The following RNF111 variants were observed in gnomAD, a reference collection of about 807,000 sequenced individuals.
The protein encoded by RNF111 is ring finger protein 111.
A neutral mutation model predicts 95.1 loss-of-function variants in RNF111; 17 were observed. The ratio of observed to expected loss-of-function variants is 0.18; its 90% CI spans 0.12 to 0.27. The LOEUF (loss-of-function observed/expected upper bound fraction) is 0.27. Among genes scored for constraint, RNF111 ranks in the 10% least tolerant of loss-of-function variants. RNF111 has a pLI of 1.00. For synonymous variants in RNF111, 440 were observed against 414.8 expected, an observed-to-expected ratio of 1.06 and a Z score of -0.74; for missense variants, 1,189 against 1,210.4, an observed-to-expected ratio of 0.98 and a Z score of 0.26.
chr15:59,023,141 G>A (rs769288211), intron 1 of RNF111, among the ~76,000 whole-genome samples: 3 of 152,122 alleles, frequency 2.0e-5, no homozygotes, highest in Non-Finnish European at 2.9e-5. Flanking sequence ...CCAGCTACTC[G>A]GGAGGCTGAG....
intron 1 of RNF111, among the ~76,000 whole-genome samples, chr15:59,000,819 G>C (rs1413211471): frequency 6.6e-6 from 1 of 151,836 alleles, no homozygotes; most frequent in East Asian, 1.9e-4. Context: ...CAGAATTTTT[G>C]ATTATTTTAA....
chr15:59,004,994 G>A (rs1334599578), intron 1 of RNF111, among the ~76,000 whole-genome samples: 1 of 152,182 alleles, frequency 6.6e-6, no homozygotes, highest in African/African-American at 2.4e-5. Flanking sequence ...CATATAATCA[G>A]TGAGCAGAAG....
chr15:59,077,849 A>G (rs76330301), intron 7 of RNF111, among the ~76,000 whole-genome samples: 338 of 152,298 alleles, frequency 2.2e-3, no homozygotes, highest in African/African-American at 7.6e-3. Context: ...TTTAAATTGT[A>G]TTATTTTCTG....
intron 5 of RNF111, among the ~76,000 whole-genome samples, chr15:59,065,647 C>T (rs2042623539): frequency 6.6e-6 from 1 of 152,146 alleles, no homozygotes; most frequent in South Asian, 2.1e-4. Flanking sequence ...ATTTTATTTT[C>T]CAAGTATTAG....
At chr15:59,071,077 CATGA>C (rs1420843447) in intron 6 of RNF111, among the ~76,000 whole-genome samples, 4 of 151,656 alleles carry the variant, frequency 2.6e-5, no homozygotes, top group African/African-American at 9.7e-5. Context: ...GCAGGCGGAT[CATGA>C]AGTCAGGAGA....
intron 8 of RNF111, among the ~76,000 whole-genome samples, chr15:59,082,213 G>C (rs2078765594): frequency 6.6e-6 from 1 of 152,122 alleles, no homozygotes; most frequent in Admixed American, 6.5e-5. Flanking sequence ...AGGTTATTTA[G>C]TAAAATCTGA....
chr15:59,024,319 A>T (rs537760672), intron 1 of RNF111, among the ~76,000 whole-genome samples: 11 of 152,110 alleles, frequency 7.2e-5, no homozygotes, highest in South Asian at 2.1e-4. Flanking sequence ...TAATGCAATT[A>T]AAAAAAATAC....
chr15:58,990,397 C>G (rs2038758675), intron 1 of RNF111, among the ~76,000 whole-genome samples: 1 of 152,250 alleles, frequency 6.6e-6, no homozygotes, highest in South Asian at 2.1e-4. Flanking sequence ...TGGTGGCTCA[C>G]CCCTGTAATC....
chr15:59,091,280 A>T, intron 12 of RNF111, 126 bp downstream of exon 12: 1 of 507,376 alleles, frequency 2.0e-6, no homozygotes. Flanking sequence ...ATATTGTTTA[A>T]AAATTTTGGA....
At chr15:59,079,439 G>A (rs1223681155) in intron 7 of RNF111, among the ~76,000 whole-genome samples, 1 of 152,142 alleles carries the variant, frequency 6.6e-6, no homozygotes, top group Non-Finnish European at 1.5e-5. Flanking sequence ...TTAAAAATTA[G>A]ATTTGTTGAA....
chr15:59,029,668 A>T (rs2040809669), intron 1 of RNF111, among the ~76,000 whole-genome samples: 1 of 152,212 alleles, frequency 6.6e-6, no homozygotes, highest in Admixed American at 6.5e-5. Context: ...CTTTTTAGGA[A>T]CTGGTTTCAA....
intron 1 of RNF111, among the ~76,000 whole-genome samples, chr15:58,995,962 A>G (rs2039053414): frequency 6.6e-6 from 1 of 151,700 alleles, no homozygotes; most frequent in African/African-American, 2.4e-5. Context: ...ATGCATCAGG[A>G]CATCGCTAGG....
chr15:59,036,301 G>A (rs190369456), intron 2 of RNF111, among the ~76,000 whole-genome samples: 10 of 152,108 alleles, frequency 6.6e-5, no homozygotes, highest in Admixed American at 3.3e-4. Flanking sequence ...CAAGAGATCC[G>A]CTGCCCACCT....
rs148135453 is a variant in RNF111 at position 59,031,476 on chromosome 15, A to G, written c.654A>G (p.Lys218=). Residue 218 remains lysine, a synonymous_variant, in exon 2 of 14, where the codon AAA becomes AAG. Coordinates refer to ENST00000348370, the MANE Select transcript of RNF111 (RefSeq NM_017610.8). ...RRLPCRKRFV[K]NNSSQRTQKQ... ...TTCCATGCAGAAAGAGATTTGTAAA[A>G]AATAATTCCTCACAGAGGACACAGA... The G allele has an allele frequency of 1.5e-5, 24 of 1,614,224 alleles. No homozygotes were observed. The African/African-American group carries it at 2.7e-4, about 18-fold the overall frequency.
chr15:59,034,715 T>A (rs138296332), intron 2 of RNF111, among the ~76,000 whole-genome samples: 3,425 of 152,324 alleles, frequency 0.022, 58 homozygotes, highest in South Asian at 0.037. Context: ...TTTGAGTGAT[T>A]CAAATAAAAT....
In RNF111 at chr15:59,095,995, A is replaced by G. The variant is rs1253453169; in HGVS notation, c.*1095A>G. 2.5e-6 allele frequency: 1 copy of G among 398,492 alleles called. No individual in the cohort carries two copies. 24.7% of individuals were successfully genotyped at this position (398,492 alleles called of 1,614,324 possible). A position where few individuals can be genotyped will look rare whatever the true frequency, so the allele number is the denominator to read the frequency against. On this transcript the variant is annotated 3_prime_UTR_variant, in exon 14 of 14. Coordinates refer to ENST00000348370, the MANE Select transcript of RNF111 (RefSeq NM_017610.8). ...GTTTTATTTCTCTCTAAACTTGAAA[A>G]CAGTAAATCTGCAGATACTGTGAGG...
chr15:59,074,876 A>G (rs1230835066), intron 6 of RNF111, among the ~76,000 whole-genome samples: 3 of 152,184 alleles, frequency 2.0e-5, no homozygotes, highest in African/African-American at 7.2e-5. Flanking sequence ...AGAGATGTGC[A>G]AATCTTCCTT....
chr15:59,027,930 A>G (rs2040704991), intron 1 of RNF111, among the ~76,000 whole-genome samples: 1 of 149,084 alleles, frequency 6.7e-6, no homozygotes, highest in Non-Finnish European at 1.5e-5. Context: ...GGTTCAAGCA[A>G]TTCTCCTGCC....
At chr15:59,043,241 G>A (rs2041553163) in intron 2 of RNF111, among the ~76,000 whole-genome samples, 1 of 151,056 alleles carries the variant, frequency 6.6e-6, no homozygotes, top group African/African-American at 2.4e-5. Context: ...TGCAGCCTCC[G>A]CCTCCAGGGT....
Sources: allele counts gnomAD v4.1 joint callset (sites outside exome capture counted in the v4.1 genomes callset), GRCh38; gene constraint gnomAD v4.1.1; transcripts MANE v1.5; gene names NCBI Gene and HGNC (gene_info 2026-07-23, HGNC 2026-07-21).